The following BOD1L1 variants were observed in gnomAD, a reference collection of about 807,000 sequenced individuals.
BOD1L1 encodes biorientation of chromosomes in cell division 1 like 1.
In BOD1L1, 86 loss-of-function variants were observed where a neutral mutation model predicts 240.7. The ratio of observed to expected loss-of-function variants is 0.36; its 90% CI spans 0.30 to 0.43. The LOEUF (loss-of-function observed/expected upper bound fraction) is 0.43, where lower values mean the gene tolerates loss of function less well. Among genes scored for constraint, BOD1L1 ranks in the 20% least tolerant of loss-of-function variants. BOD1L1 has a pLI of 1.00. For missense variants in BOD1L1, 3,554 were observed against 3,643.5 expected, an observed-to-expected ratio of 0.98 and a Z score of 0.63; for synonymous variants, 1,268 against 1,272.3, an observed-to-expected ratio of 1.00 and a Z score of 0.07.
intron 25 of BOD1L1, among the ~76,000 whole-genome samples, chr4:13,573,494 T>C (rs1577303902): frequency 7.9e-6 from 1 of 126,978 alleles, no homozygotes; most frequent in African/African-American, 2.7e-5. Context: ...CTTTCTTTCT[T>C]TTGAGAAAGA....
intron 1 of BOD1L1, chr4:13,624,092 T>C (rs1194610826): frequency 6.6e-6 from 1 of 151,762 alleles, no homozygotes; most frequent in Non-Finnish European, 1.5e-5. Context: ...ATCTTTTAAA[T>C]CAAATTAAAA....
At chr4:13,581,819 C>T (rs1713256627) in intron 19 of BOD1L1, among the ~76,000 whole-genome samples, 3 of 152,204 alleles carry the variant, frequency 2.0e-5, no homozygotes, top group Middle Eastern at 3.4e-3. Flanking sequence ...GAACTAGGTC[C>T]CCTCGAGTAT....
chr4:13,601,186 T>C lies in BOD1L1; in HGVS notation c.5714A>G (p.Asp1905Gly). Residue 1905 changes from aspartate (D) to glycine (G), a missense_variant, in exon 10 of 26, where the codon GAC becomes GGC. This residue lies in a region of BOD1L1 where 3,393 missense variants were observed against 3,427.1 expected (regional missense o/e 0.99). Transcript: ENST00000040738. ...CTCTACCACAGTACCAATCTGACTG[T>C]CCCCTTCTGCACTTTCACAAATCAA... ...GVLICESAEG[D>G]SQIGTVVEHV... The C allele has an allele frequency of 6.2e-7, 1 of 1,613,962 alleles. No individual in the cohort carries two copies. Among genetic ancestry groups the C allele is most frequent in the Non-Finnish European group, 8.5e-7 (1 of 1,179,894 alleles).
rs749776394 is a variant in BOD1L1 at position 13,601,151 on chromosome 4, C to G, written c.5749G>C (p.Ala1917Pro). Residue 1917 changes from alanine to proline, a missense_variant, in exon 10 of 26, where the codon GCT (alanine) becomes CCT (proline). This residue lies in a region of BOD1L1 where 3,393 missense variants were observed against 3,427.1 expected (regional missense o/e 0.99). Transcript: ENST00000040738. Reference protein sequence around the residue: ...QIGTVVEHVEAEAGAAIMNAN... With the variant: ...QIGTVVEHVEPEAGAAIMNAN... The stretch of plus-strand genomic sequence containing the variant: ...TTCATGATGGCAGCTCCAGCCTCAG[C>G]TTCCACATGCTCTACCACAGTACCA... 1 of 1,614,032 alleles carries G rather than the reference C, an allele frequency of 6.2e-7. No homozygotes were observed. Among genetic ancestry groups the G allele is most frequent in the Non-Finnish European group, 8.5e-7 (1 of 1,179,904 alleles).
intron 2 of BOD1L1, among the ~76,000 whole-genome samples, chr4:13,617,448 T>C (rs1286941583): frequency 2.0e-5 from 3 of 152,118 alleles, no homozygotes; most frequent in Non-Finnish European, 2.9e-5. Flanking sequence ...CCAGTACCAA[T>C]GATCATACTG....
In BOD1L1 at chr4:13,601,912, C is replaced by T. The variant is rs772691592; in HGVS notation, c.4988G>A (p.Cys1663Tyr). 1 of 1,613,980 alleles carries T rather than the reference C, an allele frequency of 6.2e-7. No homozygotes were observed. The highest frequency in any genetic ancestry group is 8.5e-7 in the Non-Finnish European group (1 of 1,179,896). ...AVTSAGSEEK[C>Y]DGSLSRDSEI... is the part of the protein sequence containing the mutation. ...TGAGTCTCTACTTAAAGAACCATCA[C>T]ATTTTTCTTCAGAGCCTGCACTGGT... Residue 1663 changes from cysteine (C) to tyrosine (Y), a missense_variant, in exon 10 of 26, where the codon TGT becomes TAT. This residue lies in a region of BOD1L1 where 3,393 missense variants were observed against 3,427.1 expected (regional missense o/e 0.99). Coordinates refer to ENST00000040738, the MANE Select transcript of BOD1L1 (RefSeq NM_148894.3).
Position 13,601,073 on chromosome 4 carries a change from C to T in BOD1L1, c.5827G>A (p.Asp1943Asn). 1 of 1,613,912 alleles carries T rather than the reference C, an allele frequency of 6.2e-7. No individual in the cohort carries two copies. The highest frequency in any genetic ancestry group is 8.5e-7 in the Non-Finnish European group (1 of 1,179,884). ...TTTGCACTGGAGCAGATATCTGTGT[C>T]TTTACTTCCTTTCTCTGTGCCACTC... ...SMSGTEKGSK[D>N]TDICSSAKGI... The change falls in exon 10 of 26, where the codon GAC becomes AAC. Residue 1943 changes from aspartate (D) to asparagine (N), a missense_variant. Transcript: ENST00000040738.
In BOD1L1 at chr4:13,599,047, G is replaced by A. The variant is rs1351371191; in HGVS notation, c.7853C>T (p.Ser2618Phe). ...DYSGKWTDQA[S>F]AEKTGDDNST... ...GTTATCATCTCCTGTTTTCTCAGCAGATGCTTGATCAGTCCATTTGCCACT... is the reference window on the plus strand; with the variant it reads ...GTTATCATCTCCTGTTTTCTCAGCAAATGCTTGATCAGTCCATTTGCCACT... The change falls in exon 10 of 26, where the codon TCT becomes TTT. Residue 2618 changes from serine to phenylalanine, a missense_variant. By Grantham distance (155) the Ser-to-Phe change is radical. Around this residue, in one of 2 missense-constraint regions of BOD1L1, gnomAD observed 3,393 missense variants for 3,427.1 expected, o/e 0.99. Coordinates refer to ENST00000040738, the MANE Select transcript of BOD1L1 (RefSeq NM_148894.3). The A allele has an allele frequency of 6.2e-7, 1 of 1,614,004 alleles. No homozygotes were observed. Among genetic ancestry groups the A allele is most frequent in the Admixed American group, 1.7e-5 (1 of 60,028 alleles).
At chr4:13,606,382 T>C (rs764721132) in intron 9 of BOD1L1, among the ~76,000 whole-genome samples, 3 of 152,212 alleles carry the variant, frequency 2.0e-5, no homozygotes, top group African/African-American at 7.2e-5. Context: ...TTGCTGATGA[T>C]GAACAAATAA....
chr4:13,572,590 A>C, intron 25 of BOD1L1: 1 of 1,061,078 alleles, frequency 9.4e-7, no homozygotes, highest in Non-Finnish European at 1.2e-6. Flanking sequence ...TGATCCCCAA[A>C]AACAGTTATT....
In BOD1L1 at chr4:13,614,802, T is replaced by A. The variant is rs780836906; in HGVS notation, c.568A>T (p.Thr190Ser). The A allele has an allele frequency of 3.7e-6, 6 of 1,604,666 alleles. No homozygotes were observed. In the South Asian group the frequency reaches 6.7e-5, roughly 18 times the overall value. Reference sequence around the variant, plus strand: ...GCTACATTAGCACTGGGCCCAGGAGTAGGAACACCTTAAAGAAAAACAGAA... The same window carrying A: ...GCTACATTAGCACTGGGCCCAGGAGAAGGAACACCTTAAAGAAAAACAGAA... ...DTSLITQGVPTPGPSANVAND... is the reference protein window; with the variant it reads ...DTSLITQGVPSPGPSANVAND... The change falls in exon 4 of 26, where the codon ACT becomes TCT. Residue 190 changes from threonine to serine, a missense_variant. Thr to Ser is a moderately conservative substitution (Grantham distance 58). Around this residue, in one of 2 missense-constraint regions of BOD1L1, gnomAD observed 3,393 missense variants for 3,427.1 expected, o/e 0.99. Transcript: ENST00000040738.
intron 2 of BOD1L1, 36 bp from the exon 3 acceptor site, chr4:13,615,538 A>T (rs527434495): frequency 1.3e-6 from 2 of 1,537,582 alleles, no homozygotes; most frequent in Admixed American, 3.9e-5. Context: ...AGGTGAAAAA[A>T]TAATATATTA....
intron 22 of BOD1L1, among the ~76,000 whole-genome samples, chr4:13,579,619 AG>A (rs1713061099): frequency 6.6e-6 from 1 of 152,194 alleles, no homozygotes; most frequent in Non-Finnish European, 1.5e-5. Context: ...GGAAAATGCA[AG>A]CAATATTGAC....
chr4:13,615,908 T>G (rs1410386301), intron 2 of BOD1L1, among the ~76,000 whole-genome samples: 1 of 152,102 alleles, frequency 6.6e-6, no homozygotes, highest in South Asian at 2.1e-4. Context: ...TCTCTACAAC[T>G]TTTTTTAACA....
intron 10 of BOD1L1, among the ~76,000 whole-genome samples, chr4:13,598,714 CAT>C (rs1205530820): frequency 6.6e-6 from 1 of 152,152 alleles, no homozygotes; most frequent in Admixed American, 6.5e-5. Flanking sequence ...TCTCCCCACA[CAT>C]GAGAAATGGG....
chr4:13,577,593 T>A lies in BOD1L1; in HGVS notation c.8788A>T (p.Ser2930Cys). The change falls in exon 23 of 26, where the codon AGT (serine) becomes TGT (cysteine). Residue 2930 changes from serine to cysteine, a missense_variant. Physicochemically the swap from Ser to Cys is moderately radical, Grantham distance 112 (BLOSUM62 -1). Around this residue, in one of 2 missense-constraint regions of BOD1L1, gnomAD observed 3,393 missense variants for 3,427.1 expected, o/e 0.99. Transcript: ENST00000040738. ...AATTTAACACTTACATTGCTTATAC[T>A]TCTTTCTTGTAGGTTAGCTGTTTCT... ...NKETANLQER[S>C]ISNDDGEEKI... The A allele has an allele frequency of 6.4e-7, 1 of 1,570,338 alleles. No homozygotes were observed. Among genetic ancestry groups the A allele is most frequent in the South Asian group, 1.2e-5 (1 of 86,664 alleles).
intron 6 of BOD1L1, 101 bp from the exon 7 acceptor site, chr4:13,609,507 T>C (rs1426525794): frequency 2.8e-6 from 2 of 717,764 alleles, no homozygotes; most frequent in Non-Finnish European, 2.1e-6. Context: ...CAGATGTTCT[T>C]ACAAATTAAC....
At position 13,614,190 on chromosome 4, in the gene BOD1L1, A is replaced by G; in HGVS notation, c.1174+6T>C. 6.7e-7 allele frequency: 1 copy of G among 1,484,396 alleles called. No homozygotes were observed. The highest frequency in any genetic ancestry group is 8.9e-7 in the Non-Finnish European group (1 of 1,121,814). 92.0% of individuals were successfully genotyped at this position (1,484,396 alleles called of 1,614,324 possible). ...ACTTTGTAGATGTTTGCAAGTTTTTATATACCTTCTTTTGTCCCTTCAACA... is the reference window on the plus strand; with the variant it reads ...ACTTTGTAGATGTTTGCAAGTTTTTGTATACCTTCTTTTGTCCCTTCAACA... On this transcript the variant is annotated splice_donor_region_variant and intron_variant, in intron 4 of 25. Transcript: ENST00000040738.
chr4:13,595,739 G>T, intron 12 of BOD1L1, 121 bp downstream of exon 12: 1 of 658,724 alleles, frequency 1.5e-6, no homozygotes, highest in Non-Finnish European at 2.6e-6. Context: ...ATTTTAAAAA[G>T]TGAGAGGCAA....
Sources: gnomAD v4.1 joint callset for allele counts (sites outside exome capture counted in the v4.1 genomes callset) on GRCh38, gnomAD v4.1.1 for gene constraint, gnomAD v4.1.1 regional missense constraint, MANE v1.5 for transcripts, NCBI Gene and HGNC (gene_info 2026-07-23, HGNC 2026-07-21) for gene names.